Variants in GBP5 observed in about 807,000 individuals in gnomAD.
The protein encoded by GBP5 is guanylate binding protein 5, also known as guanylate-binding protein 5.
Under a neutral mutation model 58.2 loss-of-function variants are expected in GBP5, and 48 were observed. That is an observed-to-expected ratio of 0.83 (90% CI 0.65 to 1.05). The LOEUF is 1.05. GBP5 is among the 50% of genes least tolerant of loss of function. The pLI, the probability that GBP5 is intolerant of heterozygous loss-of-function variation, is 0.00. For synonymous variants in GBP5, 248 were observed against 251.8 expected, an observed-to-expected ratio of 0.98 and a Z score of 0.14; for missense variants, 714 against 686.8, an observed-to-expected ratio of 1.04 and a Z score of -0.44.
At chr1:89,265,682 C>T (rs569380287) in intron 7 of GBP5, among the ~76,000 whole-genome samples, 4 of 134,832 alleles carry the variant, frequency 3.0e-5, no homozygotes, top group African/African-American at 5.7e-5. Flanking sequence ...GAGCCAAGAT[C>T]GTGCCACTGC....
chr1:89,262,636 A>C (rs779537685), intron 10 of GBP5, 47 bp downstream of exon 10: 1 of 1,380,486 alleles, frequency 7.2e-7, no homozygotes, highest in Admixed American at 1.8e-5. Flanking sequence ...TTTATTTAAA[A>C]TTTATAGATT....
Position 89,269,470 on chromosome 1 carries a change from T to G in GBP5, c.86A>C (p.Glu29Ala). ...AGGTTGCGTAATGGCAGACAGGATC[T>G]CCAAAGCTTCCTGATTAACCTTCAG... The part of the protein sequence containing the change: ...EQLKVNQEAL[E>A]ILSAITQPVV... Residue 29 changes from glutamate to alanine, a missense_variant, in exon 3 of 12, where the codon GAG (glutamate) becomes GCG (alanine). Physicochemically the swap from Glu to Ala is moderately radical, Grantham distance 107. Coordinates refer to ENST00000370459, the MANE Select transcript of GBP5 (RefSeq NM_052942.5). 1 of 1,614,088 alleles carries G rather than the reference T, an allele frequency of 6.2e-7. No individual in the cohort carries two copies. The highest frequency in any genetic ancestry group is 1.1e-5 in the South Asian group (1 of 91,078).
chr1:89,267,650 T>C, intron 4 of GBP5, 124 bp from the exon 5 acceptor site: 1 of 648,412 alleles, frequency 1.5e-6, no homozygotes. Context: ...AATATTAACT[T>C]TGAATAGTTC....
Position 89,266,433 on chromosome 1 carries a change from C to A in GBP5, c.781G>T (p.Val261Leu). 2 of 1,614,092 alleles carry A rather than the reference C, an allele frequency of 1.2e-6. No homozygotes were observed. The highest frequency in any genetic ancestry group is 2.2e-5 in the East Asian group (1 of 44,862). The change falls in exon 7 of 12, where the codon GTG becomes TTG. Residue 261 changes from valine (V) to leucine (L), a missense_variant. By Grantham distance (32) the Val-to-Leu change is conservative. Coordinates refer to ENST00000370459, the MANE Select transcript of GBP5 (RefSeq NM_052942.5). ...GAACAGAATTCTGTCACTTGTTGCA[C>A]AAATTCAGGCTCTAGCTCATCATCA... ...LPDDELEPEF[V>L]QQVTEFCSYI...
At chr1:89,270,667 C>T (rs1283303629) in intron 2 of GBP5, 88 bp downstream of exon 2, 1 of 152,086 alleles carries the variant, frequency 6.6e-6, no homozygotes, top group Non-Finnish European at 1.5e-5. Flanking sequence ...CAAGCCTGAC[C>T]CAGAAAGAGG....
At chr1:89,265,800 C>CT (rs1459247850) in intron 7 of GBP5, among the ~76,000 whole-genome samples, 1 of 148,506 alleles carries the variant, frequency 6.7e-6, no homozygotes, top group African/African-American at 2.5e-5. Flanking sequence ...TTTGTTTGAA[C>CT]TTTCCTGTTT....
Position 89,263,930 on chromosome 1 carries a change from G to A in GBP5, c.1168C>T (p.Gln390Ter). The A allele has an allele frequency of 6.2e-7, 1 of 1,608,672 alleles. No individual in the cohort carries two copies. Among genetic ancestry groups the A allele is most frequent in the Non-Finnish European group, 8.5e-7 (1 of 1,176,954 alleles). ...KELETLLDAK[Q>*]NDICKRNLEA... ...AGGTTCCGTTTACAAATGTCATTCTGTTTTGCATCTAGTAGAGTCTTCAAA... is the reference window on the plus strand; with the variant it reads ...AGGTTCCGTTTACAAATGTCATTCTATTTTGCATCTAGTAGAGTCTTCAAA... Residue 390 changes from glutamine (Q) to a stop codon, truncating the protein, a stop_gained, in exon 9 of 12, where the codon CAG (glutamine) becomes TAG (stop). Transcript: ENST00000370459. LOFTEE classifies it high-confidence loss of function.
Position 89,257,126 on chromosome 1 carries a change from A to G in GBP5, c.*3578T>C, listed in dbSNP as rs1364900580. On this transcript the variant is annotated 3_prime_UTR_variant, in exon 12 of 12. Coordinates refer to ENST00000370459, the MANE Select transcript of GBP5 (RefSeq NM_052942.5). The stretch of plus-strand genomic sequence containing the variant: ...TCCATTTTCATACTGCTATGAAGAA[A>G]TACTCAAGACTGGGTAATTTATAAA... 6.6e-6 allele frequency among the ~76,000 whole-genome samples: 1 copy of G among 152,212 alleles called. No individual in the cohort carries two copies. Among genetic ancestry groups the G allele is most frequent in the East Asian group, 1.9e-4 (1 of 5,202 alleles).
chr1:89,265,187 T>C (rs1222687170), intron 7 of GBP5, among the ~76,000 whole-genome samples: 1 of 151,964 alleles, frequency 6.6e-6, no homozygotes, highest in Non-Finnish European at 1.5e-5. Context: ...AATAAGAAAA[T>C]AGAGGAAATT....
At chr1:89,271,793 G>A (rs1650464128) in intron 1 of GBP5, 1 of 152,150 alleles carries the variant, frequency 6.6e-6, no homozygotes. Flanking sequence ...GATCCAGTTG[G>A]GCAACTGTTA....
chr1:89,266,541 G>A lies in GBP5; in HGVS notation c.673C>T (p.Gln225Ter), dbSNP rs765930716. 5 of 1,613,132 alleles carry A rather than the reference G, an allele frequency of 3.1e-6. No homozygotes were observed. The highest frequency in any genetic ancestry group is 1.3e-5 in the African/African-American group (1 of 74,922). Residue 225 changes from glutamine (Q) to a stop codon, truncating the protein, a stop_gained, in exon 7 of 12, where the codon CAG becomes TAG. Coordinates refer to ENST00000370459, the MANE Select transcript of GBP5 (RefSeq NM_052942.5). LOFTEE classifies it high-confidence loss of function. ...CATTTCTTTTTTGGAAAGAACTTCTGTATACACAGACGGGGCAAATTGAAA... is the reference window on the plus strand; with the variant it reads ...CATTTCTTTTTTGGAAAGAACTTCTATATACACAGACGGGGCAAATTGAAA... Reference protein sequence around the residue: ...QNFNLPRLCIQKFFPKKKCFI... With the variant: ...QNFNLPRLCI
rs548599507 is a variant in GBP5 at position 89,262,724 on chromosome 1, T to G, written c.1424A>C (p.Gln475Pro). 2.5e-6 allele frequency: 4 copies of G among 1,603,702 alleles called. No individual in the cohort carries two copies. The East Asian group carries it at 8.9e-5, about 36-fold the overall frequency. Residue 475 changes from glutamine (Q) to proline (P), a missense_variant, in exon 10 of 12, where the codon CAG (glutamine) becomes CCG (proline). Transcript: ENST00000370459. ...CGTCTCTGTGAGAGCCTGGTCAGTC[T>G]GTAATATTGCATGACTCACAGACTC... ...SKESVSHAIL[Q>P]TDQALTETEK...
At chr1:89,270,593 A>C (rs1324187744) in intron 2 of GBP5, 162 bp downstream of exon 2, 1 of 152,208 alleles carries the variant, frequency 6.6e-6, no homozygotes, top group South Asian at 2.1e-4. Flanking sequence ...TTGGCAGCAG[A>C]AAATAGGATA....
chr1:89,266,499 G>GT lies in GBP5; in HGVS notation c.714dup (p.Pro239ThrfsTer11), dbSNP rs1650224350. 1 of 1,614,114 alleles carries GT rather than the reference G, an allele frequency of 6.2e-7. No individual in the cohort carries two copies. The highest frequency in any genetic ancestry group is 8.5e-7 in the Non-Finnish European group (1 of 1,179,984). On this transcript the variant is annotated frameshift_variant, in exon 7 of 12. Coordinates refer to ENST00000370459, the MANE Select transcript of GBP5 (RefSeq NM_052942.5). LOFTEE classifies it high-confidence loss of function. Reference sequence around the variant, plus strand: ...TGGGCAAGCTTTTTTTGGTGAGCAGGTAAGTCAAAGATAAAGCATTTCTTT... The same window carrying GT: ...TGGGCAAGCTTTTTTTGGTGAGCAGGTTAAGTCAAAGATAAAGCATTTCTTT...
rs1649813380 is a variant in GBP5 at position 89,257,147 on chromosome 1, A to G, written c.*3557T>C. 6.6e-6 allele frequency among the ~76,000 whole-genome samples: 1 copy of G among 152,210 alleles called. No individual in the cohort carries two copies. Among genetic ancestry groups the G allele is most frequent in the Non-Finnish European group, 1.5e-5 (1 of 68,042 alleles). On this transcript the variant is annotated 3_prime_UTR_variant, in exon 12 of 12. Transcript: ENST00000370459. The stretch of plus-strand genomic sequence containing the variant: ...AGAAATACTCAAGACTGGGTAATTT[A>G]TAAAGGAAAAGAGATGTAATGGACT...
rs17130759 is a variant in GBP5, at chr1:89,264,078, C to T, written c.1150-130G>A. 2,832 of 615,734 alleles carry T rather than the reference C, an allele frequency of 4.6e-3. 53 individuals are homozygous for T. The African/African-American group carries it at 0.047, about 10-fold the overall frequency. 38.1% of individuals were successfully genotyped at this position (615,734 alleles called of 1,614,324 possible). On this transcript the variant is annotated intron_variant, in intron 8 of 11. Coordinates refer to ENST00000370459, the MANE Select transcript of GBP5 (RefSeq NM_052942.5). ...AGACACATATAAGCAAGACTATATC[C>T]TTCCCACCAAACCTGGAAAAATTCC...
At chr1:89,262,136 A>G in intron 11 of GBP5, 84 bp downstream of exon 11, 3 of 1,341,478 alleles carry the variant, frequency 2.2e-6, no homozygotes, top group South Asian at 1.3e-5. Context: ...GAGAGCCACA[A>G]GATCTTGCTG....
intron 3 of GBP5, 40 bp from the exon 4 acceptor site, chr1:89,268,896 C>A (rs1650332844): frequency 6.3e-7 from 1 of 1,599,146 alleles, no homozygotes; most frequent in Non-Finnish European, 8.5e-7. Flanking sequence ...AAGAGAAACT[C>A]TGGAAATTGG....
chr1:89,267,365 AATAGAGG>A, intron 5 of GBP5, 45 bp downstream of exon 5: 1 of 1,280,984 alleles, frequency 7.8e-7, no homozygotes, highest in Non-Finnish European at 1.1e-6. Flanking sequence ...GCAGCTGGTA[AATAGAGG>A]AGTTCTGTCG....
Sources: allele counts gnomAD v4.1 joint callset (sites outside exome capture counted in the v4.1 genomes callset), GRCh38; gene constraint gnomAD v4.1.1; transcripts MANE v1.5; gene names NCBI Gene and HGNC (gene_info 2026-07-23, HGNC 2026-07-21).